ANKRD6: variants seen among roughly 807,000 people sequenced by gnomAD.
The protein encoded by ANKRD6 is ankyrin repeat domain 6.
ANKRD6 carries 56 observed loss-of-function variants against 82.3 expected under a neutral mutation model. The ratio of observed to expected loss-of-function variants is 0.68; its 90% CI spans 0.55 to 0.85. The LOEUF (loss-of-function observed/expected upper bound fraction) is 0.85, where lower values mean the gene tolerates loss of function less well. Among genes scored for constraint, ANKRD6 ranks in the 40% least tolerant of loss-of-function variants. ANKRD6 has a pLI of 0.00. For synonymous variants in ANKRD6, 347 were observed against 352.1 expected (o/e 0.99, Z 0.16); for missense variants, 852 against 907.6 (o/e 0.94, Z 0.79).
chr6:89,579,912 G>A (rs1452127343), intron 2 of ANKRD6, among the ~76,000 whole-genome samples: 1 of 152,106 alleles, frequency 6.6e-6, no homozygotes, highest in East Asian at 1.9e-4. Context: ...AAGTGACGTT[G>A]AAGAACAAAG....
Position 89,542,173 on chromosome 6 carries a change from G to A in ANKRD6, c.-143-24661G>A, listed in dbSNP as rs1157099368. On this transcript the variant is annotated intron_variant, in intron 1 of 15. Coordinates refer to ENST00000339746, the MANE Select transcript of ANKRD6 (RefSeq NM_001242809.2). ...AAACATGCCTGTGGTGTCATTTAAC[G>A]TGCTCTTCTGTTTCTGTATTTCGTG... Among the ~76,000 whole-genome samples the A allele has an allele frequency of 5.9e-5, 9 of 152,166 alleles. No homozygotes were observed. In the South Asian group the frequency reaches 1.5e-3, roughly 25 times the overall value.
At chr6:89,523,667 A>G (rs929052901) in intron 1 of ANKRD6, among the ~76,000 whole-genome samples, 1 of 152,114 alleles carries the variant, frequency 6.6e-6, no homozygotes, top group South Asian at 2.1e-4. Context: ...AACGTTTGCT[A>G]TGGTAGAATC....
Position 89,544,302 on chromosome 6 carries a change from C to G in ANKRD6, c.-143-22532C>G, listed in dbSNP as rs190341521. ...CCGCAGACCAGCTTTAGGTGTCTGC[C>G]GGAATACTAAACTACAAGTCACAGC... On this transcript the variant is annotated intron_variant, in intron 1 of 15. Coordinates refer to ENST00000339746, the MANE Select transcript of ANKRD6 (RefSeq NM_001242809.2). 6.6e-5 allele frequency among the ~76,000 whole-genome samples: 10 copies of G among 152,284 alleles called. No individual in the cohort carries two copies. In the East Asian group the frequency reaches 1.9e-3, roughly 29 times the overall value.
chr6:89,507,580 G>C (rs886469502), intron 1 of ANKRD6, among the ~76,000 whole-genome samples: 4 of 152,136 alleles, frequency 2.6e-5, no homozygotes, highest in Admixed American at 2.0e-4. Context: ...CAGAGCACGG[G>C]GTAGGACAAA....
rs144464132 is a variant in ANKRD6 at position 89,566,318 on chromosome 6, A to T, written c.-143-516A>T. Among the ~76,000 whole-genome samples the T allele has an allele frequency of 1.5e-3, 228 of 152,330 alleles. 1 individual carries two copies. In the Middle Eastern group the frequency reaches 0.017, roughly 11 times the overall value. ...TACGGTGAAAAAAGGTTGAAGGGAG[A>T]GAACTGCAGTAAATGCTAGGAGAAA... On this transcript the variant is annotated intron_variant, in intron 1 of 15. Transcript: ENST00000339746.
At chr6:89,442,986 C>T (rs750388027) in intron 1 of ANKRD6, among the ~76,000 whole-genome samples, 2 of 152,132 alleles carry the variant, frequency 1.3e-5, no homozygotes, top group Non-Finnish European at 2.9e-5. Flanking sequence ...AATTTTCCCC[C>T]CACAAAAGAT....
intron 1 of ANKRD6, among the ~76,000 whole-genome samples, chr6:89,547,197 T>TG (rs60850985): frequency 1.0e-3 from 153 of 149,656 alleles, no homozygotes; most frequent in African/African-American, 2.8e-3. Flanking sequence ...ACTTGTTATT[T>TG]GGGGGGGGGG....
At chr6:89,517,418 A>G (rs953188479) in intron 1 of ANKRD6, among the ~76,000 whole-genome samples, 8 of 152,154 alleles carry the variant, frequency 5.3e-5, no homozygotes, top group Admixed American at 1.3e-4. Context: ...AATAGAATAA[A>G]CTTTGGCCTC....
chr6:89,577,994 G>T (rs1791525155), intron 2 of ANKRD6, among the ~76,000 whole-genome samples: 1 of 152,138 alleles, frequency 6.6e-6, no homozygotes, highest in African/African-American at 2.4e-5. Context: ...AACGAAATTG[G>T]AATTTAGATA....
intron 2 of ANKRD6, among the ~76,000 whole-genome samples, chr6:89,569,538 A>G (rs913499463): frequency 5.9e-5 from 9 of 152,184 alleles, no homozygotes; most frequent in Non-Finnish European, 1.2e-4. Context: ...TATTATGAAT[A>G]ATGCTTTTGT....
intron 2 of ANKRD6, among the ~76,000 whole-genome samples, chr6:89,589,340 G>T (rs943132219): frequency 6.6e-6 from 1 of 152,166 alleles, no homozygotes; most frequent in Non-Finnish European, 1.5e-5. Flanking sequence ...GCTCTGGTTC[G>T]CCTCCTTCCG....
intron 1 of ANKRD6, among the ~76,000 whole-genome samples, chr6:89,554,612 T>C (rs1786318945): frequency 6.6e-6 from 1 of 152,118 alleles, no homozygotes; most frequent in African/African-American, 2.4e-5. Flanking sequence ...TGCAGTTAGG[T>C]GAATATAGAT....
intron 1 of ANKRD6, among the ~76,000 whole-genome samples, chr6:89,492,727 G>A (rs1251303859): frequency 2.6e-5 from 4 of 152,202 alleles, no homozygotes; most frequent in African/African-American, 9.7e-5. Flanking sequence ...CATGAAACCA[G>A]TCCATGCCTC....
intron 1 of ANKRD6, among the ~76,000 whole-genome samples, chr6:89,524,887 A>AT (rs1260121151): frequency 0.014 from 2,077 of 145,226 alleles, 30 homozygotes; most frequent in African/African-American, 0.033. Context: ...GCCAACATCT[A>AT]TTTTTTTTTT....
At chr6:89,528,420 C>G (rs1332532829) in intron 1 of ANKRD6, among the ~76,000 whole-genome samples, 1 of 152,218 alleles carries the variant, frequency 6.6e-6, no homozygotes, top group Non-Finnish European at 1.5e-5. Flanking sequence ...CAAGTTTTAT[C>G]ATGAGATTAT....
intron 1 of ANKRD6, among the ~76,000 whole-genome samples, chr6:89,501,170 A>G (rs187804279): frequency 6.6e-6 from 1 of 152,318 alleles, no homozygotes; most frequent in Admixed American, 6.5e-5. Flanking sequence ...TTGTCTTTAT[A>G]TGGAACATAA....
At chr6:89,437,098 G>C (rs558088667) in intron 1 of ANKRD6, among the ~76,000 whole-genome samples, 1 of 152,252 alleles carries the variant, frequency 6.6e-6, no homozygotes, top group Admixed American at 6.5e-5. Flanking sequence ...GTATGTTTGA[G>C]GGGGAAGAAG....
intron 9 of ANKRD6, among the ~76,000 whole-genome samples, chr6:89,620,703 A>G (rs1802893778): frequency 6.6e-6 from 1 of 152,202 alleles, no homozygotes; most frequent in South Asian, 2.1e-4. Context: ...AGTCCACTGC[A>G]TGCCAGCCAC....
At chr6:89,485,749 G>A (rs1168091317) in intron 1 of ANKRD6, among the ~76,000 whole-genome samples, 1 of 152,190 alleles carries the variant, frequency 6.6e-6, no homozygotes, top group Non-Finnish European at 1.5e-5. Flanking sequence ...TTTTTGGTAG[G>A]TTGGCATGAT....
Sources: allele counts gnomAD v4.1 joint callset (sites outside exome capture counted in the v4.1 genomes callset), GRCh38; gene constraint gnomAD v4.1.1; transcripts MANE v1.5; gene names NCBI Gene and HGNC (gene_info 2026-07-23, HGNC 2026-07-21).